Variants in TRAPPC12 observed in about 807,000 individuals in gnomAD.
TRAPPC12 encodes the protein trafficking protein particle complex subunit 12.
Under a neutral mutation model 69.2 loss-of-function variants are expected in TRAPPC12, and 61 were observed. That is an observed-to-expected ratio of 0.88 (90% CI 0.72 to 1.09). The LOEUF is 1.09. TRAPPC12 is among the 50% of genes least tolerant of loss of function. The pLI, the probability that TRAPPC12 is intolerant of heterozygous loss-of-function variation, is 0.00. For missense variants in TRAPPC12, 1,101 were observed against 1,016.4 expected, an observed-to-expected ratio of 1.08 and a Z score of -1.13; for synonymous variants, 469 against 438.9, an observed-to-expected ratio of 1.07 and a Z score of -0.86.
chr2:3,454,360 G>A (rs1268150616), intron 6 of TRAPPC12, among the ~76,000 whole-genome samples: 3 of 149,884 alleles, frequency 2.0e-5, no homozygotes, highest in Non-Finnish European at 4.4e-5. Flanking sequence ...GGTGTAGCCT[G>A]CCTGGTGTCT....
intron 5 of TRAPPC12, among the ~76,000 whole-genome samples, chr2:3,428,714 CTG>C (rs1462305239): frequency 1.3e-5 from 2 of 152,210 alleles, no homozygotes; most frequent in African/African-American, 4.8e-5. Flanking sequence ...GACCCTGGCG[CTG>C]TGTCTTTCAC....
At chr2:3,430,518 G>C (rs1572147851) in intron 5 of TRAPPC12, among the ~76,000 whole-genome samples, 2 of 152,210 alleles carry the variant, frequency 1.3e-5, no homozygotes, top group South Asian at 4.2e-4. Flanking sequence ...TATTTCTATT[G>C]GGTTATCTTT....
chr2:3,432,475 A>G (rs2103075440), intron 5 of TRAPPC12, among the ~76,000 whole-genome samples: 1 of 152,308 alleles, frequency 6.6e-6, no homozygotes, highest in East Asian at 1.9e-4. Flanking sequence ...TTATCAACAC[A>G]TAACCATATG....
intron 9 of TRAPPC12, among the ~76,000 whole-genome samples, chr2:3,475,181 C>T (rs13395678): frequency 0.053 from 8,013 of 152,180 alleles, 684 homozygotes; most frequent in African/African-American, 0.18. Context: ...CTGCAGAACT[C>T]CTGGGCTCAA....
chr2:3,384,113 C>G (rs1299136543), intron 1 of TRAPPC12, among the ~76,000 whole-genome samples: 2 of 151,954 alleles, frequency 1.3e-5, no homozygotes, highest in East Asian at 3.9e-4. Flanking sequence ...CCAGGCTGGT[C>G]TTGAACTTCT....
chr2:3,424,253 A>G (rs542161174), intron 4 of TRAPPC12, among the ~76,000 whole-genome samples: 6 of 152,288 alleles, frequency 3.9e-5, no homozygotes, highest in African/African-American at 1.4e-4. Context: ...GGGTCTCGCT[A>G]TGTTGCCCAG....
At chr2:3,443,005 ATAC>A (rs1005997983) in intron 5 of TRAPPC12, among the ~76,000 whole-genome samples, 20 of 152,364 alleles carry the variant, frequency 1.3e-4, no homozygotes, top group African/African-American at 4.8e-4. Context: ...CTTAGTATAC[ATAC>A]TACAGATCAA....
intron 3 of TRAPPC12, among the ~76,000 whole-genome samples, chr2:3,404,157 C>T (rs1002995972): frequency 4.6e-5 from 7 of 152,182 alleles, no homozygotes; most frequent in East Asian, 1.9e-4. Context: ...ACCCAGATCG[C>T]GGTTGTGTGA....
chr2:3,450,347 A>G (rs1664785753), intron 6 of TRAPPC12, among the ~76,000 whole-genome samples: 1 of 152,192 alleles, frequency 6.6e-6, no homozygotes, highest in Non-Finnish European at 1.5e-5. Flanking sequence ...CTGAGTAGAA[A>G]GAAGAAAGTG....
At chr2:3,426,227 T>C (rs556585649) in intron 5 of TRAPPC12, among the ~76,000 whole-genome samples, 28 of 152,296 alleles carry the variant, frequency 1.8e-4, no homozygotes, top group African/African-American at 6.7e-4. Flanking sequence ...GAAGGGTAAC[T>C]TTTAATAACT....
chr2:3,387,099 C>T (rs1660528408), intron 1 of TRAPPC12, among the ~76,000 whole-genome samples: 1 of 152,188 alleles, frequency 6.6e-6, no homozygotes, highest in Non-Finnish European at 1.5e-5. Context: ...GCAGCAGCAT[C>T]CACAATAGCT....
chr2:3,395,067 G>A (rs1408470591), intron 2 of TRAPPC12, among the ~76,000 whole-genome samples: 2 of 152,128 alleles, frequency 1.3e-5, no homozygotes, highest in African/African-American at 2.4e-5. Flanking sequence ...TGGGGCTTAC[G>A]ATAAATGTGC....
At chr2:3,404,606 G>A (rs1308946339) in intron 3 of TRAPPC12, among the ~76,000 whole-genome samples, 1 of 152,072 alleles carries the variant, frequency 6.6e-6, no homozygotes, top group Non-Finnish European at 1.5e-5. Context: ...CTGTAACTTG[G>A]GGGAGACAGA....
chr2:3,466,807 C>T (rs1665835833), intron 9 of TRAPPC12, among the ~76,000 whole-genome samples: 1 of 152,204 alleles, frequency 6.6e-6, no homozygotes, highest in South Asian at 2.1e-4. Flanking sequence ...CCATGGGCAT[C>T]GGCTCCTGCC....
At chr2:3,479,195 C>G (rs1489835053) in intron 11 of TRAPPC12, 24 bp from the exon 12 acceptor site, 1 of 1,606,538 alleles carries the variant, frequency 6.2e-7, no homozygotes, top group South Asian at 1.1e-5. Context: ...TGTGGGCCAA[C>G]CCTGGGCGTG....
chr2:3,411,262 G>C (rs1662041106), intron 3 of TRAPPC12, among the ~76,000 whole-genome samples: 1 of 152,198 alleles, frequency 6.6e-6, no homozygotes, highest in South Asian at 2.1e-4. Context: ...GTTCCTGCAT[G>C]TCAAGCACTG....
intron 6 of TRAPPC12, chr2:3,457,234 G>A (rs752017270): frequency 1.1e-5 from 5 of 447,548 alleles, no homozygotes; most frequent in Non-Finnish European, 1.8e-5. Flanking sequence ...TCACATGTAA[G>A]TAGAAGCTAA....
In TRAPPC12 at chr2:3,453,704, T is replaced by G. The variant is rs184595919; in HGVS notation, c.1531-3917T>G. On this transcript the variant is annotated intron_variant, in intron 6 of 11. Transcript: ENST00000324266. ...GACCCTGGAGTCTGCTCCTTTTGTCTGGGGCAAAAGGAACCAAGGAGGAAA... is the reference window on the plus strand; with the variant it reads ...GACCCTGGAGTCTGCTCCTTTTGTCGGGGGCAAAAGGAACCAAGGAGGAAA... Among the ~76,000 whole-genome samples the G allele has an allele frequency of 5.1e-3, 771 of 152,306 alleles. 3 individuals are homozygous for G. The highest frequency in any genetic ancestry group is 0.01 in the Middle Eastern group (3 of 294).
At chr2:3,463,002 G>C in intron 8 of TRAPPC12, 1 of 468,214 alleles carries the variant, frequency 2.1e-6, no homozygotes, top group Non-Finnish European at 4.5e-6. Flanking sequence ...CTAGTTTCAC[G>C]GCCTGTAAAC....
Sources: allele counts gnomAD v4.1 joint callset (sites outside exome capture counted in the v4.1 genomes callset), GRCh38; gene constraint gnomAD v4.1.1; transcripts MANE v1.5; gene names NCBI Gene and HGNC (gene_info 2026-07-23, HGNC 2026-07-21).